MTMR3: variants seen among roughly 807,000 people sequenced by gnomAD.
MTMR3 encodes the protein phosphatidylinositol-3,5-bisphosphate 3-phosphatase MTMR3.
Under a neutral mutation model 132.4 loss-of-function variants are expected in MTMR3, and 32 were observed. The ratio of observed to expected loss-of-function variants is 0.24; its 90% CI spans 0.18 to 0.32. The LOEUF is 0.32. MTMR3 is among the 10% of genes least tolerant of loss of function. The pLI, the probability that MTMR3 is intolerant of heterozygous loss-of-function variation, is 1.00. For synonymous variants in MTMR3, 556 were observed against 550.3 expected (o/e 1.01, Z -0.14); for missense variants, 1,216 against 1,489.6 (o/e 0.82, Z 3.02).
intron 18 of MTMR3, chr22:30,022,349 G>T: frequency 1.6e-6 from 1 of 608,694 alleles, no homozygotes. Flanking sequence ...CCTCTTCATT[G>T]CCTCTATGAA....
intron 12 of MTMR3, 180 bp from the exon 13 acceptor site, chr22:30,012,188 A>G: frequency 1.6e-6 from 1 of 622,598 alleles, no homozygotes. Flanking sequence ...TCTATTGTAT[A>G]GTAGGGCTTG....
At chr22:30,012,961 A>G (rs1324842311) in intron 13 of MTMR3, 3 of 192,204 alleles carry the variant, frequency 1.6e-5, no homozygotes, top group Non-Finnish European at 3.2e-5. Flanking sequence ...ATCATAAAGT[A>G]CCCTAAAATA....
chr22:29,928,093 A>G (rs975792458), intron 1 of MTMR3, among the ~76,000 whole-genome samples: 1 of 150,876 alleles, frequency 6.6e-6, no homozygotes. Flanking sequence ...GGCGCAAACC[A>G]CCACGCCTGT....
At chr22:29,899,308 C>G (rs1473131674) in intron 1 of MTMR3, among the ~76,000 whole-genome samples, 1 of 152,142 alleles carries the variant, frequency 6.6e-6, no homozygotes, top group Non-Finnish European at 1.5e-5. Context: ...CCACCTTGGC[C>G]TCCCAGAGTG....
intron 1 of MTMR3, among the ~76,000 whole-genome samples, chr22:29,887,039 T>C (rs963300064): frequency 1.3e-5 from 2 of 152,242 alleles, no homozygotes; most frequent in African/African-American, 4.8e-5. Context: ...CCAGTAACTT[T>C]AGAGGCTACC....
chr22:29,891,827 G>T (rs1235182230), intron 1 of MTMR3, among the ~76,000 whole-genome samples: 5 of 151,976 alleles, frequency 3.3e-5, no homozygotes, highest in Non-Finnish European at 2.9e-5. Context: ...AGTTTTGCTG[G>T]TCCAGTTTAG....
In MTMR3 at chr22:30,019,476, T is replaced by C; in HGVS notation, c.1821-4T>C. 1.9e-6 allele frequency: 3 copies of C among 1,591,534 alleles called. No homozygotes were observed. Among genetic ancestry groups the C allele is most frequent in the Non-Finnish European group, 1.7e-6 (2 of 1,171,808 alleles). ...TTCATTTCCCCCAAATTCCTTTCCT[T>C]TAGGCTACCAAAGACTAGATCATAC... On this transcript the variant is annotated splice_region_variant and splice_polypyrimidine_tract_variant and intron_variant, in intron 16 of 19. Transcript: ENST00000401950.
At chr22:29,978,326 C>T in intron 3 of MTMR3, 116 bp from the exon 4 acceptor site, 2 of 678,282 alleles carry the variant, frequency 2.9e-6, no homozygotes, top group Non-Finnish European at 5.0e-6. Flanking sequence ...AGCTTTTCTG[C>T]CTGTTCACCT....
intron 6 of MTMR3, chr22:29,989,055 G>T (rs2066910618): frequency 6.6e-6 from 1 of 152,542 alleles, no homozygotes; most frequent in African/African-American, 2.4e-5. Context: ...CTTACATCCA[G>T]TCTACTATAC....
At chr22:29,897,101 G>C (rs1313481939) in intron 1 of MTMR3, among the ~76,000 whole-genome samples, 1 of 145,310 alleles carries the variant, frequency 6.9e-6, no homozygotes, top group Non-Finnish European at 1.5e-5. Flanking sequence ...TTTTTTTTGA[G>C]TTGGAGTCTC....
At chr22:30,016,745 G>C in intron 15 of MTMR3, 47 bp downstream of exon 15, 3 of 1,569,246 alleles carry the variant, frequency 1.9e-6, no homozygotes, top group South Asian at 2.4e-5. Flanking sequence ...AAGGAATTTG[G>C]GGTTGGTTAC....
At chr22:29,895,984 G>C (rs572427240) in intron 1 of MTMR3, among the ~76,000 whole-genome samples, 1 of 152,034 alleles carries the variant, frequency 6.6e-6, no homozygotes, top group Non-Finnish European at 1.5e-5. Context: ...TAAAATTTTC[G>C]GTCAGCTCAT....
At chr22:29,900,905 G>T (rs538631469) in intron 1 of MTMR3, among the ~76,000 whole-genome samples, 16 of 152,146 alleles carry the variant, frequency 1.1e-4, no homozygotes, top group Admixed American at 3.9e-4. Context: ...TTATAGAGAT[G>T]GGGTTTTGCC....
Position 29,978,362 on chromosome 22 carries a change from A to G in MTMR3, c.4-80A>G, listed in dbSNP as rs934169357. The G allele has an allele frequency of 3.9e-6, 4 of 1,017,592 alleles. No homozygotes were observed. In the African/African-American group the frequency reaches 4.8e-5, roughly 12 times the overall value. 63.0% of individuals were successfully genotyped at this position (1,017,592 alleles called of 1,614,324 possible). ...TGGTCTTTGTACTTTCATTGTGATT[A>G]TGCTAGCAGATATGGCAGAAAAACC... On this transcript the variant is annotated intron_variant, in intron 3 of 19. Coordinates refer to ENST00000401950, the MANE Select transcript of MTMR3 (RefSeq NM_021090.4).
At chr22:29,949,089 C>T (rs2066006242) in intron 1 of MTMR3, among the ~76,000 whole-genome samples, 1 of 135,794 alleles carries the variant, frequency 7.4e-6, no homozygotes, top group South Asian at 2.5e-4. Context: ...CAGCGAGGCC[C>T]TGTCTTAAAA....
chr22:30,015,675 A>C (rs1175567791), intron 14 of MTMR3: 1 of 152,208 alleles, frequency 6.6e-6, no homozygotes, highest in Non-Finnish European at 1.5e-5. Flanking sequence ...AGTCTCTTCT[A>C]AAACACAAGG....
intron 1 of MTMR3, among the ~76,000 whole-genome samples, chr22:29,953,136 C>T (rs1396088276): frequency 6.6e-6 from 1 of 152,096 alleles, no homozygotes; most frequent in Admixed American, 6.5e-5. Context: ...TCAGTGTTGC[C>T]TTCTTAAGGT....
At chr22:29,966,228 C>G (rs1330068153) in intron 2 of MTMR3, among the ~76,000 whole-genome samples, 2 of 152,130 alleles carry the variant, frequency 1.3e-5, no homozygotes, top group Admixed American at 6.5e-5. Context: ...TCACCACACA[C>G]AAAAACCTAT....
At chr22:30,021,085 C>G in intron 17 of MTMR3, 1 of 609,712 alleles carries the variant, frequency 1.6e-6, no homozygotes, top group Non-Finnish European at 2.9e-6. Flanking sequence ...CGCTTACTTT[C>G]TGCAGATGTC....
Sources: allele counts gnomAD v4.1 joint callset (sites outside exome capture counted in the v4.1 genomes callset), GRCh38; gene constraint gnomAD v4.1.1; transcripts MANE v1.5; gene names NCBI Gene and HGNC (gene_info 2026-07-23, HGNC 2026-07-21).